The following NSDHL variants were observed in gnomAD, a reference collection of about 807,000 sequenced individuals.
NSDHL encodes NAD(P) dependent 3-beta-hydroxysteroid dehydrogenase NSDHL.
NSDHL carries 1 observed loss-of-function variant against 23.0 expected under a neutral mutation model. The observed-to-expected ratio is 0.04, with a 90% CI of 0.02 to 0.21. The LOEUF (loss-of-function observed/expected upper bound fraction) is 0.21, where lower values mean the gene tolerates loss of function less well. NSDHL is among the 10% of genes least tolerant of loss of function. NSDHL has a pLI of 1.00. For missense variants in NSDHL, 237 were observed against 300.9 expected (o/e 0.79, Z 1.57); for synonymous variants, 128 against 121.1 (o/e 1.06, Z -0.37).
rs782406401 is a variant in NSDHL, at chrX:152,869,037, G to A, written c.1043G>A (p.Gly348Asp). Residue 348 changes from glycine (G) to aspartate (D), a missense_variant, in exon 8 of 8, where the codon GGC (glycine) becomes GAC (aspartate). Physicochemically the swap from Gly to Asp is moderately conservative, Grantham distance 94. Coordinates refer to ENST00000370274, the MANE Select transcript of NSDHL (RefSeq NM_015922.3). Reference protein sequence around the residue: ...YSCERAKKAMGYQPLVTMDDA... With the variant: ...YSCERAKKAMDYQPLVTMDDA... ...TGCGAGAGAGCCAAAAAGGCCATGG[G>A]CTACCAGCCACTAGTGACCATGGAT... The A allele has an allele frequency of 6.6e-6, 8 of 1,211,876 alleles. No homozygotes were observed. The highest frequency in any genetic ancestry group is 8.9e-6 in the Non-Finnish European group (8 of 895,428).
intron 4 of NSDHL, 38 bp downstream of exon 4, chrX:152,858,954 G>T (rs782337503): frequency 5.2e-5 from 59 of 1,142,238 alleles, no homozygotes; most frequent in Non-Finnish European, 7.0e-5. Flanking sequence ...TCAGGAGCAC[G>T]TGATGGCCCT....
At chrX:152,861,271 T>C (rs1227844332) in intron 4 of NSDHL, among the ~76,000 whole-genome samples, 1 of 113,073 alleles carries the variant, frequency 8.8e-6, no homozygotes, top group Non-Finnish European at 1.9e-5. Context: ...ACCAGTTCAG[T>C]GCCATTTATT....
intron 4 of NSDHL, among the ~76,000 whole-genome samples, chrX:152,862,348 G>T (rs1556847598): frequency 4.5e-5 from 5 of 112,359 alleles, no homozygotes; most frequent in African/African-American, 1.6e-4. Context: ...TTGAAACCAA[G>T]ATCTCTTGAT....
Position 152,850,159 on chromosome X carries a change from A to C in NSDHL, c.109-106A>C. 6 of 864,413 alleles carry C rather than the reference A, an allele frequency of 6.9e-6. No individual in the cohort carries two copies. In the South Asian group the frequency reaches 1.0e-4, roughly 14 times the overall value. 71.2% of individuals were successfully genotyped at this position (864,413 alleles called of 1,213,427 possible). ...CTTGGCTCAAGAAGAGTTCCAAACA[A>C]ACAAGTATATCTGCCATTGCAGTGG... On this transcript the variant is annotated intron_variant, in intron 2 of 7. Coordinates refer to ENST00000370274, the MANE Select transcript of NSDHL (RefSeq NM_015922.3).
At position 152,846,307 on chromosome X, in the gene NSDHL, A is replaced by G. The variant is rs781803308; in HGVS notation, c.-18A>G. Reference sequence around the variant, plus strand: ...AAAAGAAAAGTTGATTACAAACGGGACCATATTTTGCTTCGAAATGGAACC... The same window carrying G: ...AAAAGAAAAGTTGATTACAAACGGGGCCATATTTTGCTTCGAAATGGAACC... On this transcript the variant is annotated 5_prime_UTR_variant, in exon 2 of 8. Coordinates refer to ENST00000370274, the MANE Select transcript of NSDHL (RefSeq NM_015922.3). 8.8e-7 allele frequency: 1 copy of G among 1,136,958 alleles called. No homozygotes were observed. The highest frequency in any genetic ancestry group is 1.8e-5 in the South Asian group (1 of 55,398). The allele number at this position is 1,136,958 out of a possible 1,213,427, so 93.7% of individuals were successfully genotyped here. A position where few individuals can be genotyped will look rare whatever the true frequency, so the allele number is the denominator to read the frequency against.
intron 3 of NSDHL, among the ~76,000 whole-genome samples, chrX:152,857,850 CA>C (rs373321146): frequency 1.9e-5 from 2 of 105,953 alleles, no homozygotes; most frequent in Non-Finnish European, 2.0e-5. Flanking sequence ...TGACTGGTTT[CA>C]AAAAAAAAAT....
chrX:152,850,341 A>G lies in NSDHL; in HGVS notation c.185A>G (p.Tyr62Cys). ...GTGGAGCAGTTGCTGGCAAGAGGAT[A>G]TGCTGTCAATGTATTTGATATCCAG... Reference protein sequence around the residue: ...HMVEQLLARGYAVNVFDIQQG... With the variant: ...HMVEQLLARGCAVNVFDIQQG... The change falls in exon 3 of 8, where the codon TAT becomes TGT. Residue 62 changes from tyrosine to cysteine, a missense_variant. Coordinates refer to ENST00000370274, the MANE Select transcript of NSDHL (RefSeq NM_015922.3). 1 of 1,208,025 alleles carries G rather than the reference A, an allele frequency of 8.3e-7. No homozygotes were observed. The highest frequency in any genetic ancestry group is 1.1e-6 in the Non-Finnish European group (1 of 892,362).
chrX:152,853,533 A>G lies in NSDHL; in HGVS notation c.267+3110A>G, dbSNP rs147542757. 2.4e-3 allele frequency among the ~76,000 whole-genome samples: 273 copies of G among 111,563 alleles called. 1 individual carries two copies. The highest frequency in any genetic ancestry group is 8.8e-3 in the African/African-American group (269 of 30,672). On this transcript the variant is annotated intron_variant, in intron 3 of 7. Coordinates refer to ENST00000370274, the MANE Select transcript of NSDHL (RefSeq NM_015922.3). ...TAGATGTTAGAGGGACTCTTAATGG[A>G]TAAATCAGATCACACCGCCCTCTGT...
At chrX:152,852,439 C>T (rs1398821189) in intron 3 of NSDHL, among the ~76,000 whole-genome samples, 1 of 111,124 alleles carries the variant, frequency 9.0e-6, no homozygotes, top group Non-Finnish European at 1.9e-5. Context: ...TACTGCCTGT[C>T]CAGAGTAGCA....
At chrX:152,843,161 C>T (rs1446894030) in intron 1 of NSDHL, among the ~76,000 whole-genome samples, 1 of 112,130 alleles carries the variant, frequency 8.9e-6, no homozygotes, top group Non-Finnish European at 1.9e-5. Context: ...AGTACAGCTC[C>T]GTTGGGGTGA....
chrX:152,843,215 G>C (rs782623464), intron 1 of NSDHL, among the ~76,000 whole-genome samples: 11 of 112,099 alleles, frequency 9.8e-5, no homozygotes, highest in Non-Finnish European at 2.1e-4. Context: ...TCTAGCAAAC[G>C]AGGAGAGGAA....
chrX:152,844,059 G>C (rs184889043), intron 1 of NSDHL, among the ~76,000 whole-genome samples: 2 of 111,891 alleles, frequency 1.8e-5, no homozygotes, highest in Non-Finnish European at 3.8e-5. Context: ...GGTGGAGAGA[G>C]TCCAAAGGCA....
intron 1 of NSDHL, among the ~76,000 whole-genome samples, chrX:152,836,878 A>G (rs998704674): frequency 6.2e-5 from 7 of 112,281 alleles, no homozygotes; most frequent in Non-Finnish European, 1.3e-4. Flanking sequence ...CATTGAATCT[A>G]TAAATTACCT....
At chrX:152,831,749 C>T (rs1324856697) in intron 1 of NSDHL, 1 of 111,277 alleles carries the variant, frequency 9.0e-6, no homozygotes, top group African/African-American at 3.3e-5. Flanking sequence ...TGTGGACTGA[C>T]ATAGACCTGC....
chrX:152,869,412 A>G lies in NSDHL; in HGVS notation c.*296A>G. 1 of 350,127 alleles carries G rather than the reference A, an allele frequency of 2.9e-6. No homozygotes were observed. Among genetic ancestry groups the G allele is most frequent in the Non-Finnish European group, 5.1e-6 (1 of 195,956 alleles). 28.9% of individuals were successfully genotyped at this position (350,127 alleles called of 1,213,427 possible). On this transcript the variant is annotated 3_prime_UTR_variant, in exon 8 of 8. Transcript: ENST00000370274. ...CCTCCCTTGCCCCCTCTTCTGGTTT[A>G]TACATTTCATTCCAGTGTCCTTGTA...
chrX:152,868,083 G>A (rs941664535), intron 7 of NSDHL, among the ~76,000 whole-genome samples: 7 of 109,200 alleles, frequency 6.4e-5, no homozygotes, highest in Admixed American at 3.9e-4. Context: ...AACCTCTGCC[G>A]TTTCCCCACT....
intron 1 of NSDHL, among the ~76,000 whole-genome samples, chrX:152,838,691 A>T (rs782311888): frequency 1.8e-5 from 2 of 111,730 alleles, no homozygotes; most frequent in East Asian, 5.6e-4. Context: ...GTTCTTTTAC[A>T]TTTGCTGAGG....
At chrX:152,841,236 G>T (rs1331152362) in intron 1 of NSDHL, among the ~76,000 whole-genome samples, 2 of 112,835 alleles carry the variant, frequency 1.8e-5, no homozygotes, top group Non-Finnish European at 3.8e-5. Context: ...CTAGGAAAGG[G>T]AAATCCCCCA....
At position 152,869,125 on chromosome X, in the gene NSDHL, G is replaced by A; in HGVS notation, c.*9G>A. 1 of 1,184,962 alleles carries A rather than the reference G, an allele frequency of 8.4e-7. No individual in the cohort carries two copies. Among genetic ancestry groups the A allele is most frequent in the Non-Finnish European group, 1.1e-6 (1 of 871,275 alleles). On this transcript the variant is annotated 3_prime_UTR_variant, in exon 8 of 8. Transcript: ENST00000370274. ...TGCGGAGGGTCAAGTGAGGGACACTGGAGGCTGGGCTCTCTCGACACGTTG... is the reference window on the plus strand; with the variant it reads ...TGCGGAGGGTCAAGTGAGGGACACTAGAGGCTGGGCTCTCTCGACACGTTG...
Sources: allele counts gnomAD v4.1 joint callset (sites outside exome capture counted in the v4.1 genomes callset), GRCh38; gene constraint gnomAD v4.1.1; transcripts MANE v1.5; gene names NCBI Gene and HGNC (gene_info 2026-07-23, HGNC 2026-07-21).